Variants in MACROD2 observed in about 807,000 individuals in gnomAD.
The protein encoded by MACROD2 is mono-ADP ribosylhydrolase 2.
A neutral mutation model predicts 70.4 loss-of-function variants in MACROD2; 36 were observed. The observed-to-expected ratio is 0.51, with a 90% confidence interval of 0.39 to 0.68. The LOEUF is 0.68. Ranked by LOEUF, MACROD2 falls within the 30% of genes least tolerant of loss-of-function variation. The pLI is 0.00. For missense variants in MACROD2, 496 were observed against 538.4 expected, an observed-to-expected ratio of 0.92 and a Z score of 0.78; for synonymous variants, 172 against 178.8, an observed-to-expected ratio of 0.96 and a Z score of 0.30.
At chr20:15,774,177 T>C (rs1330551021) in intron 8 of MACROD2, among the ~76,000 whole-genome samples, 1 of 152,130 alleles carries the variant, frequency 6.6e-6, no homozygotes, top group African/African-American at 2.4e-5. Flanking sequence ...TTGCTTTTGG[T>C]TTTGGGGAGT....
At chr20:16,004,122 A>C (rs753625014) in intron 15 of MACROD2, among the ~76,000 whole-genome samples, 5 of 151,850 alleles carry the variant, frequency 3.3e-5, no homozygotes, top group Non-Finnish European at 7.4e-5. Flanking sequence ...GTCACTGTGG[A>C]CCCCCAGTAC....
Position 14,038,122 on chromosome 20 carries a change from C to T in MACROD2, c.163+35718C>T, listed in dbSNP as rs561185508. On this transcript the variant is annotated intron_variant, in intron 2 of 17. Transcript: ENST00000684519. ...CAGCCTGGCCAATATGGTGAAACCC[C>T]GTCTCTACTAAAAATACAAAAATTA... 4.4e-3 allele frequency among the ~76,000 whole-genome samples: 677 copies of T among 152,146 alleles called. 4 individuals carry two copies. Among genetic ancestry groups the T allele is most frequent in the African/African-American group, 0.015 (635 of 41,492 alleles).
At chr20:14,068,113 C>T (rs948959898) in intron 2 of MACROD2, among the ~76,000 whole-genome samples, 3 of 152,200 alleles carry the variant, frequency 2.0e-5, no homozygotes, top group Non-Finnish European at 4.4e-5. Flanking sequence ...CTCTCATGCG[C>T]ATGATTTTTC....
At chr20:14,327,439 G>C (rs761824251) in intron 3 of MACROD2, 9 of 1,613,508 alleles carry the variant, frequency 5.6e-6, no homozygotes, top group South Asian at 1.1e-5. Context: ...AACTGATAGA[G>C]GTGCTACTTG....
chr20:14,589,472 A>G (rs899072536), intron 4 of MACROD2, among the ~76,000 whole-genome samples: 4 of 152,138 alleles, frequency 2.6e-5, no homozygotes, highest in Admixed American at 1.3e-4. Flanking sequence ...TTTGGTAGCA[A>G]TGTTGCCATT....
intron 8 of MACROD2, among the ~76,000 whole-genome samples, chr20:15,833,295 C>T (rs1340934270): frequency 6.6e-6 from 1 of 152,192 alleles, no homozygotes; most frequent in Non-Finnish European, 1.5e-5. Context: ...AGCCTGTGAG[C>T]ATGGCAGCCA....
chr20:15,624,084 A>G (rs763751698), intron 8 of MACROD2, among the ~76,000 whole-genome samples: 7 of 152,346 alleles, frequency 4.6e-5, no homozygotes, highest in South Asian at 4.1e-4. Flanking sequence ...TGCAGCCTTC[A>G]GTCTATGGCC....
Position 15,981,308 on chromosome 20 carries a change from CTGT to C in MACROD2, c.986-5417_986-5415del, listed in dbSNP as rs1235750205. 2.6e-5 allele frequency among the ~76,000 whole-genome samples: 4 copies of C among 152,292 alleles called. No homozygotes were observed. The East Asian group carries it at 7.7e-4, about 29-fold the overall frequency. The stretch of plus-strand genomic sequence containing the variant: ...GTGTAATTGGAACTCCACCATGTAA[CTGT>C]TTTTTGCGGTATCGTTATACAGTTT... On this transcript the variant is annotated intron_variant, in intron 13 of 17. Transcript: ENST00000684519.
intron 8 of MACROD2, among the ~76,000 whole-genome samples, chr20:15,738,790 T>C (rs2051062782): frequency 6.6e-6 from 1 of 151,564 alleles, no homozygotes; most frequent in Non-Finnish European, 1.5e-5. Context: ...GATCTTGGGG[T>C]CAAGCAGAGT....
chr20:15,235,611 A>G (rs972918703), intron 6 of MACROD2, among the ~76,000 whole-genome samples: 2 of 152,234 alleles, frequency 1.3e-5, no homozygotes, highest in African/African-American at 2.4e-5. Flanking sequence ...AGGCGTAGTC[A>G]AGTGAATCTT....
intron 3 of MACROD2, among the ~76,000 whole-genome samples, chr20:14,271,462 A>C (rs1382335495): frequency 6.6e-6 from 1 of 152,228 alleles, no homozygotes; most frequent in African/African-American, 2.4e-5. Flanking sequence ...ACTAACAAAC[A>C]GAAAGGACAT....
chr20:15,220,187 A>G lies in MACROD2; in HGVS notation c.419-9753A>G, dbSNP rs188964611. 1.5e-3 allele frequency among the ~76,000 whole-genome samples: 229 copies of G among 152,340 alleles called. 1 individual carries two copies. Among genetic ancestry groups the G allele is most frequent in the Non-Finnish European group, 2.9e-3 (199 of 68,030 alleles). On this transcript the variant is annotated intron_variant, in intron 5 of 17. Coordinates refer to ENST00000684519, the MANE Select transcript of MACROD2 (RefSeq NM_001351661.2). ...AAATGTATGCTGAATGAGCTGAACC[A>G]GTATAACTAGATGCCATTGCTTGCC... is the stretch of plus-strand genomic sequence containing the variant.
intron 5 of MACROD2, among the ~76,000 whole-genome samples, chr20:15,005,980 A>T (rs1600937585): frequency 6.6e-6 from 1 of 151,898 alleles, no homozygotes. Flanking sequence ...ATATATAAGG[A>T]CTCTACCTGA....
chr20:15,035,733 A>G (rs1379610923), intron 5 of MACROD2, among the ~76,000 whole-genome samples: 2 of 152,282 alleles, frequency 1.3e-5, no homozygotes, highest in African/African-American at 4.8e-5. Flanking sequence ...TCCAACGGAC[A>G]ACAGGATCTT....
At chr20:14,887,084 C>G (rs1303274224) in intron 5 of MACROD2, among the ~76,000 whole-genome samples, 1 of 152,102 alleles carries the variant, frequency 6.6e-6, no homozygotes, top group Non-Finnish European at 1.5e-5. Context: ...GACAAAATAG[C>G]CATATCATAG....
At chr20:15,736,037 T>TA (rs2146957696) in intron 8 of MACROD2, among the ~76,000 whole-genome samples, 1 of 152,342 alleles carries the variant, frequency 6.6e-6, no homozygotes, top group East Asian at 1.9e-4. Context: ...CTAGCATATC[T>TA]AGCCCTCACA....
chr20:14,498,836 A>G (rs1382469704), intron 4 of MACROD2, among the ~76,000 whole-genome samples: 4 of 152,188 alleles, frequency 2.6e-5, no homozygotes, highest in African/African-American at 9.7e-5. Flanking sequence ...CTCCACATAC[A>G]CAACGGCTTT....
At chr20:15,932,226 T>C (rs1449984154) in intron 10 of MACROD2, among the ~76,000 whole-genome samples, 1 of 152,104 alleles carries the variant, frequency 6.6e-6, no homozygotes, top group Admixed American at 6.6e-5. Context: ...TCCATGTGTC[T>C]CCCTCCATTT....
intron 5 of MACROD2, among the ~76,000 whole-genome samples, chr20:15,167,254 A>G (rs1425178031): frequency 3.9e-5 from 6 of 152,124 alleles, no homozygotes; most frequent in African/African-American, 1.2e-4. Context: ...AATATAACCA[A>G]AGTATTGTAT....
Sources: gnomAD v4.1 joint callset for allele counts (sites outside exome capture counted in the v4.1 genomes callset) on GRCh38, gnomAD v4.1.1 for gene constraint, MANE v1.5 for transcripts, NCBI Gene and HGNC (gene_info 2026-07-23, HGNC 2026-07-21) for gene names.